The following AIG1 variants were observed in gnomAD, a reference collection of about 807,000 sequenced individuals.
The protein encoded by AIG1 is androgen induced 1, also known as androgen-induced gene 1 protein.
AIG1 carries 23 observed loss-of-function variants against 31.4 expected under a neutral mutation model. That is an observed-to-expected ratio of 0.73 (90% CI 0.53 to 1.04). The LOEUF is 1.04. Ranked by LOEUF, AIG1 falls within the 50% of genes least tolerant of loss-of-function variation. The probability of loss-of-function intolerance (pLI) is 0.00; values close to 1 mark genes in which losing one functional copy is unlikely to be tolerated. For missense variants in AIG1, 274 were observed against 295.0 expected (o/e 0.93, Z 0.52); for synonymous variants, 100 against 110.5 (o/e 0.90, Z 0.60).
intron 5 of AIG1, among the ~76,000 whole-genome samples, chr6:143,336,351 G>A (rs1173166019): frequency 3.9e-5 from 6 of 152,082 alleles, no homozygotes; most frequent in Non-Finnish European, 5.9e-5. Context: ...CATCGAAACC[G>A]ACCCTTTCCT....
intron 2 of AIG1, among the ~76,000 whole-genome samples, chr6:143,152,274 A>G (rs1050845686): frequency 2.0e-5 from 3 of 152,234 alleles, no homozygotes; most frequent in Non-Finnish European, 2.9e-5. Context: ...ATCCTCAGGT[A>G]ACTGAGATGT....
At chr6:143,146,210 C>T (rs1268735405) in intron 2 of AIG1, among the ~76,000 whole-genome samples, 1 of 151,946 alleles carries the variant, frequency 6.6e-6, no homozygotes, top group Non-Finnish European at 1.5e-5. Context: ...AAAAAAAAAT[C>T]ACAGAAATAT....
intron 3 of AIG1, among the ~76,000 whole-genome samples, chr6:143,195,507 A>G (rs563628067): frequency 1.7e-4 from 26 of 152,274 alleles, no homozygotes; most frequent in African/African-American, 6.3e-4. Context: ...ATGGGGTCAG[A>G]TGAACATTTT....
At chr6:143,202,338 G>C (rs1160720065) in intron 3 of AIG1, among the ~76,000 whole-genome samples, 1 of 152,000 alleles carries the variant, frequency 6.6e-6, no homozygotes, top group Admixed American at 6.5e-5. Flanking sequence ...AAAATCCTCA[G>C]GGACAGCTAA....
intron 3 of AIG1, among the ~76,000 whole-genome samples, chr6:143,211,009 C>A (rs1373210705): frequency 6.6e-6 from 1 of 152,154 alleles, no homozygotes; most frequent in Non-Finnish European, 1.5e-5. Context: ...CCTATCTTTG[C>A]TTGCTTTTGG....
At chr6:143,247,958 C>T (rs6909109) in intron 3 of AIG1, among the ~76,000 whole-genome samples, 82,640 of 151,922 alleles carry the variant, frequency 0.54, 23,851 homozygotes, top group East Asian at 0.92. Flanking sequence ...CACTGAACAC[C>T]GTCTAAAAGG....
At chr6:143,309,526 A>T (rs76778809) in intron 4 of AIG1, among the ~76,000 whole-genome samples, 1 of 151,820 alleles carries the variant, frequency 6.6e-6, no homozygotes, top group East Asian at 1.9e-4. Context: ...AAGAAAAAGC[A>T]GAATCATATA....
intron 5 of AIG1, among the ~76,000 whole-genome samples, chr6:143,335,772 T>G (rs938900441): frequency 1.3e-5 from 2 of 151,830 alleles, no homozygotes; most frequent in African/African-American, 4.8e-5. Context: ...CTGGCCAACA[T>G]TGCAAAACTC....
At chr6:143,254,737 G>A (rs902583975) in intron 3 of AIG1, among the ~76,000 whole-genome samples, 1 of 152,160 alleles carries the variant, frequency 6.6e-6, no homozygotes, top group African/African-American at 2.4e-5. Flanking sequence ...TTCTTGGCCA[G>A]GCACAGTGGT....
At chr6:143,073,329 C>T (rs1777461901) in intron 1 of AIG1, among the ~76,000 whole-genome samples, 1 of 152,172 alleles carries the variant, frequency 6.6e-6, no homozygotes, top group Non-Finnish European at 1.5e-5. Context: ...CTGCAATGAA[C>T]ATGGGAGTGC....
At chr6:143,332,086 G>A (rs902137389) in intron 4 of AIG1, among the ~76,000 whole-genome samples, 4 of 151,924 alleles carry the variant, frequency 2.6e-5, no homozygotes, top group Non-Finnish European at 5.9e-5. Context: ...TGGCCAGGCT[G>A]GTCTTGAACT....
intron 3 of AIG1, among the ~76,000 whole-genome samples, chr6:143,242,753 C>T (rs575340202): frequency 2.6e-5 from 4 of 152,334 alleles, no homozygotes; most frequent in Admixed American, 2.0e-4. Flanking sequence ...CTTGGAAAAT[C>T]CAAGAAAGAT....
rs1361423538 is a variant in AIG1, at chr6:143,289,977, A to G, written c.515+5752A>G. On this transcript the variant is annotated intron_variant, in intron 4 of 5. Coordinates refer to ENST00000357847, the MANE Select transcript of AIG1 (RefSeq NM_016108.4). ...TGACCAGCAGATGACATTTTTCTCTATTCAACTTGAATCTTTCACTCCACC... is the reference window on the plus strand; with the variant it reads ...TGACCAGCAGATGACATTTTTCTCTGTTCAACTTGAATCTTTCACTCCACC... 5.3e-5 allele frequency among the ~76,000 whole-genome samples: 8 copies of G among 152,184 alleles called. No individual in the cohort carries two copies. The East Asian group carries it at 1.2e-3, about 22-fold the overall frequency.
intron 3 of AIG1, among the ~76,000 whole-genome samples, chr6:143,246,282 A>G (rs1794617747): frequency 6.7e-6 from 1 of 149,358 alleles, no homozygotes; most frequent in South Asian, 2.1e-4. Flanking sequence ...AAAAAAAAAA[A>G]AGAGGTTTAA....
chr6:143,222,128 A>G (rs1792568824), intron 3 of AIG1, among the ~76,000 whole-genome samples: 1 of 152,152 alleles, frequency 6.6e-6, no homozygotes, highest in Non-Finnish European at 1.5e-5. Flanking sequence ...ACCTTCCTTG[A>G]CAGAATGTGA....
intron 5 of AIG1, among the ~76,000 whole-genome samples, chr6:143,335,928 A>C (rs1426566008): frequency 6.7e-6 from 1 of 148,450 alleles, no homozygotes; most frequent in Non-Finnish European, 1.5e-5. Flanking sequence ...ATCCTGAGCC[A>C]CAGAGTGAAA....
Position 143,291,909 on chromosome 6 carries a change from A to G in AIG1, c.515+7684A>G, listed in dbSNP as rs1003991580. Among the ~76,000 whole-genome samples the G allele has an allele frequency of 6.6e-6, 1 of 152,206 alleles. No homozygotes were observed. The highest frequency in any genetic ancestry group is 2.4e-5 in the African/African-American group (1 of 41,434). The stretch of plus-strand genomic sequence containing the variant: ...GGACAGAGACTTGACATGAACTGAG[A>G]CATTTCTAAGGAATCACTTTGGCCA... On this transcript the variant is annotated intron_variant, in intron 4 of 5. Coordinates refer to ENST00000357847, the MANE Select transcript of AIG1 (RefSeq NM_016108.4). The surrounding 1 kb of genome is among the most constrained non-coding windows in gnomAD (Gnocchi z 4.2).
rs1379069594 is a variant in AIG1, at chr6:143,334,130, C to G, written c.679+685C>G. 6.5e-7 allele frequency: 1 copy of G among 1,547,880 alleles called. No individual in the cohort carries two copies. Among genetic ancestry groups the G allele is most frequent in the Admixed American group, 2.0e-5 (1 of 50,906 alleles). On this transcript the variant is annotated intron_variant, in intron 5 of 5. Coordinates refer to ENST00000357847, the MANE Select transcript of AIG1 (RefSeq NM_016108.4). The surrounding 1 kb of genome is among the most constrained non-coding windows in gnomAD (Gnocchi z 5.1). ...CTTATCCAAGCTGTGCAAAACCTGT[C>G]CAAAGTGTATGTACAATAACATAAA...
At chr6:143,158,631 G>A (rs1207737514) in intron 2 of AIG1, among the ~76,000 whole-genome samples, 1 of 152,158 alleles carries the variant, frequency 6.6e-6, no homozygotes, top group African/African-American at 2.4e-5. Flanking sequence ...ATTATAGGAT[G>A]ATAGAAGACT....
Sources: gnomAD v4.1 joint callset for allele counts (sites outside exome capture counted in the v4.1 genomes callset) on GRCh38, gnomAD v4.1.1 for gene constraint, Gnocchi (gnomAD v3.1) non-coding constraint, MANE v1.5 for transcripts, NCBI Gene and HGNC (gene_info 2026-07-23, HGNC 2026-07-21) for gene names.